The following CFAP47 variants were observed in gnomAD, a reference collection of about 807,000 sequenced individuals.
CFAP47 encodes the protein cilia and flagella associated protein 47, also known as cilia- and flagella-associated protein 47.
CFAP47 carries 29 observed loss-of-function variants against 148.1 expected under a neutral mutation model. The ratio of observed to expected loss-of-function variants is 0.20; its 90% CI spans 0.15 to 0.27. CFAP47 has a LOEUF of 0.27. CFAP47 is among the 10% of genes least tolerant of loss of function. The pLI is 1.00. For synonymous variants in CFAP47, 664 were observed against 577.3 expected (o/e 1.15, Z -2.15); for missense variants, 1,872 against 1,697.5 (o/e 1.10, Z -1.81).
At chrX:36,089,432 T>C (rs981964121) in intron 30 of CFAP47, among the ~76,000 whole-genome samples, 2 of 112,139 alleles carry the variant, frequency 1.8e-5, no homozygotes, top group South Asian at 7.4e-4. Flanking sequence ...TTCTCACTTA[T>C]GCATGACCAT....
intron 50 of CFAP47, among the ~76,000 whole-genome samples, chrX:36,283,361 A>T (rs1355386817): frequency 1.8e-5 from 2 of 111,812 alleles, no homozygotes; most frequent in African/African-American, 6.5e-5. Flanking sequence ...GTACATGTCT[A>T]GTACTGTAGG....
At chrX:35,993,406 T>C (rs1457405937) in intron 18 of CFAP47, 85 bp downstream of exon 18, 1 of 277,480 alleles carries the variant, frequency 3.6e-6, no homozygotes, top group African/African-American at 2.8e-5. Flanking sequence ...ATGGTAGGTA[T>C]AATGCTACAA....
intron 22 of CFAP47, among the ~76,000 whole-genome samples, chrX:36,024,375 C>G (rs1937192427): frequency 9.0e-6 from 1 of 111,478 alleles, no homozygotes; most frequent in African/African-American, 3.3e-5. Flanking sequence ...AGAGGGATCT[C>G]TTTGCAGCTG....
intron 62 of CFAP47, among the ~76,000 whole-genome samples, chrX:36,371,688 GTATATA>G (rs1941945640): frequency 1.5e-5 from 1 of 67,379 alleles, no homozygotes. Flanking sequence ...ATATATGTGT[GTATATA>G]CACACATGTG....
intron 61 of CFAP47, among the ~76,000 whole-genome samples, chrX:36,364,608 A>T (rs1414065574): frequency 9.1e-6 from 1 of 109,603 alleles, no homozygotes; most frequent in African/African-American, 3.3e-5. Flanking sequence ...CAGAGAAAAT[A>T]ATAAATGCAG....
intron 49 of CFAP47, among the ~76,000 whole-genome samples, chrX:36,270,569 T>G (rs1940947252): frequency 1.0e-5 from 1 of 96,872 alleles, no homozygotes; most frequent in African/African-American, 4.2e-5. Context: ...ATATATATGA[T>G]ACCCTAAACA....
At chrX:36,064,643 A>T (rs1937621572) in intron 26 of CFAP47, among the ~76,000 whole-genome samples, 1 of 111,858 alleles carries the variant, frequency 8.9e-6, no homozygotes, top group African/African-American at 3.2e-5. Context: ...TTGGCATTTT[A>T]CCTCAGCTAG....
chrX:36,046,438 A>T (rs1216810347), intron 25 of CFAP47, among the ~76,000 whole-genome samples: 2 of 111,031 alleles, frequency 1.8e-5, no homozygotes, highest in African/African-American at 6.5e-5. Context: ...AAATTTTCAA[A>T]TATCTACCTA....
At chrX:36,134,173 GAAAT>G (rs1938999309) in intron 33 of CFAP47, among the ~76,000 whole-genome samples, 1 of 111,076 alleles carries the variant, frequency 9.0e-6, no homozygotes, top group Admixed American at 9.6e-5. Flanking sequence ...CAATCAGTGA[GAAAT>G]AAATAGAGAA....
chrX:36,310,864 T>C lies in CFAP47; in HGVS notation c.8219T>C (p.Val2740Ala). The change falls in exon 56 of 64, where the codon GTA (valine) becomes GCA (alanine). Residue 2740 changes from valine (V) to alanine (A), a missense_variant. Coordinates refer to ENST00000378653, the MANE Select transcript of CFAP47 (RefSeq NM_001304548.2). ...GAATGGAAATTCTACTTATCTGGAG[T>C]AGGACTATTTCCCCAGCCTCTAGAC... ...FTEWKFYLSG[V>A]GLFPQPLDTE... The C allele has an allele frequency of 8.7e-7, 1 of 1,151,700 alleles. No homozygotes were observed. The highest frequency in any genetic ancestry group is 1.9e-5 in the South Asian group (1 of 51,292). 94.9% of individuals were successfully genotyped at this position (1,151,700 alleles called of 1,213,427 possible).
chrX:36,216,094 C>T (rs1285955947), intron 45 of CFAP47, among the ~76,000 whole-genome samples: 5 of 111,432 alleles, frequency 4.5e-5, no homozygotes, highest in Middle Eastern at 4.7e-3. Context: ...GGTGGGCAGG[C>T]GGTCAGACAC....
intron 45 of CFAP47, among the ~76,000 whole-genome samples, chrX:36,210,772 T>C (rs1349936275): frequency 8.9e-6 from 1 of 112,392 alleles, no homozygotes; most frequent in Non-Finnish European, 1.9e-5. Context: ...TATCTAAGAA[T>C]CCATTGCCAA....
chrX:36,256,021 A>G (rs1439185369), intron 49 of CFAP47, among the ~76,000 whole-genome samples: 2 of 112,082 alleles, frequency 1.8e-5, no homozygotes, highest in African/African-American at 3.2e-5. Flanking sequence ...ACTGAAAGCA[A>G]TAAAACACGA....
chrX:36,276,522 A>G (rs1342149302), intron 49 of CFAP47, among the ~76,000 whole-genome samples: 1 of 111,995 alleles, frequency 8.9e-6, no homozygotes, highest in Non-Finnish European at 1.9e-5. Context: ...TAAATATTAA[A>G]CTACAACTTT....
intron 22 of CFAP47, among the ~76,000 whole-genome samples, chrX:36,017,029 T>C (rs976159530): frequency 1.8e-5 from 2 of 111,335 alleles, no homozygotes; most frequent in African/African-American, 6.5e-5. Flanking sequence ...TTTTTTCTCA[T>C]AGAGTTGTCT....
chrX:36,236,082 G>T lies in CFAP47; in HGVS notation c.7158+5G>T. On this transcript the variant is annotated splice_donor_5th_base_variant and intron_variant, in intron 47 of 63. Transcript: ENST00000378653. ...ATTTTTGAATGTGTCATTACGGTAT[G>T]AACTCCTTGATATTTTCCCCAGTAT... 2.1e-6 allele frequency: 1 copy of T among 469,368 alleles called. No individual in the cohort carries two copies. Among genetic ancestry groups the T allele is most frequent in the South Asian group, 3.6e-5 (1 of 27,893 alleles). The allele number at this position is 469,368 out of a possible 1,213,427, so 38.7% of individuals were successfully genotyped here.
intron 40 of CFAP47, among the ~76,000 whole-genome samples, chrX:36,181,474 CAGCATGAAATAT>C (rs1179986293): frequency 8.9e-6 from 1 of 111,847 alleles, no homozygotes; most frequent in Non-Finnish European, 1.9e-5. Flanking sequence ...ATTACCAATT[CAGCATGAAATAT>C]AGCTTAAGAA....
chrX:36,177,981 C>T (rs1441265219), intron 39 of CFAP47, among the ~76,000 whole-genome samples: 2 of 111,730 alleles, frequency 1.8e-5, no homozygotes, highest in African/African-American at 6.5e-5. Flanking sequence ...TACATATGCA[C>T]CATGGAATAC....
At chrX:36,245,457 C>A (rs914140150) in intron 48 of CFAP47, among the ~76,000 whole-genome samples, 16 of 111,809 alleles carry the variant, frequency 1.4e-4, no homozygotes, top group South Asian at 3.7e-4. Context: ...TGCCAAATGG[C>A]TCCAAGAAAT....
Sources: gnomAD v4.1 joint callset for allele counts (sites outside exome capture counted in the v4.1 genomes callset) on GRCh38, gnomAD v4.1.1 for gene constraint, MANE v1.5 for transcripts, NCBI Gene and HGNC (gene_info 2026-07-23, HGNC 2026-07-21) for gene names.